Variants in PEX7 observed in about 807,000 individuals in gnomAD.
The protein encoded by PEX7 is peroxisomal biogenesis factor 7.
In PEX7, 34 loss-of-function variants were observed where a neutral mutation model predicts 47.5. That is an observed-to-expected ratio of 0.72 (90% CI 0.54 to 0.95). The LOEUF is 0.95. Ranked by LOEUF, PEX7 falls within the 40% of genes least tolerant of loss-of-function variation. The pLI, the probability that PEX7 is intolerant of heterozygous loss-of-function variation, is 0.00. For missense variants in PEX7, 394 were observed against 400.3 expected (o/e 0.98, Z 0.13); for synonymous variants, 141 against 148.8 (o/e 0.95, Z 0.38).
At chr6:136,909,030 A>G (rs909038525) in intron 9 of PEX7, among the ~76,000 whole-genome samples, 1 of 152,082 alleles carries the variant, frequency 6.6e-6, no homozygotes, top group Non-Finnish European at 1.5e-5. Context: ...CATTTTACAT[A>G]TTACGCTACA....
intron 1 of PEX7, chr6:136,823,173 A>T (rs1319325383): frequency 2.0e-6 from 2 of 985,214 alleles, no homozygotes; most frequent in Non-Finnish European, 2.4e-6. Context: ...TACGGGGAAG[A>T]CGGTCTGAGC....
chr6:136,873,113 A>G (rs572433664), intron 8 of PEX7, among the ~76,000 whole-genome samples: 1 of 152,282 alleles, frequency 6.6e-6, no homozygotes, highest in Admixed American at 6.5e-5. Context: ...GATTTTGTCT[A>G]GGCAAAACAT....
intron 5 of PEX7, among the ~76,000 whole-genome samples, chr6:136,848,515 A>G: frequency 6.6e-6 from 1 of 152,184 alleles, no homozygotes; most frequent in East Asian, 1.9e-4. Flanking sequence ...TTATTTTGAG[A>G]TACATCCCAT....
chr6:136,880,804 T>G (rs1038047863), intron 8 of PEX7, among the ~76,000 whole-genome samples: 3 of 152,236 alleles, frequency 2.0e-5, no homozygotes, highest in African/African-American at 7.2e-5. Context: ...ATTACAACAA[T>G]GCTTTGAGAT....
intron 3 of PEX7, among the ~76,000 whole-genome samples, chr6:136,837,267 C>T (rs774809343): frequency 1.3e-4 from 18 of 142,890 alleles, no homozygotes; most frequent in East Asian, 2.1e-4. Flanking sequence ...GAGGCTGAGG[C>T]GGGAGAATGG....
chr6:136,872,400 A>G, intron 8 of PEX7, 147 bp downstream of exon 8: 1 of 676,942 alleles, frequency 1.5e-6, no homozygotes. Context: ...GATTAATATT[A>G]TATTTTTCCT....
intron 5 of PEX7, among the ~76,000 whole-genome samples, chr6:136,846,642 CTT>C (rs1193533150): frequency 2.6e-5 from 4 of 152,140 alleles, no homozygotes; most frequent in Non-Finnish European, 5.9e-5. Context: ...TGGTTTCCAG[CTT>C]TGTCCATGTC....
At chr6:136,898,996 ATAAGT>A (rs949063866) in intron 9 of PEX7, among the ~76,000 whole-genome samples, 3 of 152,084 alleles carry the variant, frequency 2.0e-5, no homozygotes, top group Non-Finnish European at 4.4e-5. Context: ...GATAACTCTC[ATAAGT>A]TAAGCAAAAA....
intron 1 of PEX7, 87 bp from the exon 2 acceptor site, chr6:136,825,127 T>C (rs926245967): frequency 1.7e-5 from 18 of 1,060,356 alleles, no homozygotes; most frequent in Non-Finnish European, 2.5e-5. Context: ...GGTATTAAAA[T>C]CAGGTATCAA....
chr6:136,842,584 G>A (rs924593889), intron 3 of PEX7, among the ~76,000 whole-genome samples: 3 of 151,792 alleles, frequency 2.0e-5, no homozygotes, highest in Non-Finnish European at 3.0e-5. Context: ...CTGATGATGA[G>A]TATTTACTTA....
At chr6:136,828,198 T>A (rs1263334415) in intron 3 of PEX7, among the ~76,000 whole-genome samples, 1 of 152,182 alleles carries the variant, frequency 6.6e-6, no homozygotes, top group Non-Finnish European at 1.5e-5. Flanking sequence ...ATGGGGTTGA[T>A]GGCTACTTTA....
At chr6:136,903,240 A>G (rs1775783763) in intron 9 of PEX7, among the ~76,000 whole-genome samples, 1 of 151,846 alleles carries the variant, frequency 6.6e-6, no homozygotes. Flanking sequence ...CTCTTCCCAA[A>G]TCTGAACCCC....
At chr6:136,841,501 C>T (rs926799464) in intron 3 of PEX7, among the ~76,000 whole-genome samples, 10 of 152,188 alleles carry the variant, frequency 6.6e-5, no homozygotes, top group Non-Finnish European at 1.0e-4. Flanking sequence ...GCCCTCAGGG[C>T]CCTGCCTCAG....
intron 4 of PEX7, 33 bp from the exon 5 acceptor site, chr6:136,846,040 C>T: frequency 7.6e-7 from 1 of 1,311,314 alleles, no homozygotes; most frequent in Non-Finnish European, 1.1e-6. Context: ...TGAATTTATC[C>T]CTCAAGTAAT....
chr6:136,891,287 C>G lies in PEX7; in HGVS notation c.804-6855C>G, dbSNP rs545344800. On this transcript the variant is annotated intron_variant, in intron 8 of 9. Transcript: ENST00000318471. ...AAGTCTGCTTCTCTAAAATACTGAT[C>G]TGATTAGAGTTTTCGATGAAATATT... 3.3e-5 allele frequency among the ~76,000 whole-genome samples: 5 copies of G among 152,266 alleles called. No individual in the cohort carries two copies. The East Asian group carries it at 7.7e-4, about 23-fold the overall frequency.
chr6:136,875,933 G>T (rs1262051317), intron 8 of PEX7, among the ~76,000 whole-genome samples: 1 of 151,924 alleles, frequency 6.6e-6, no homozygotes, highest in Non-Finnish European at 1.5e-5. Flanking sequence ...GTTATGCCTT[G>T]TCTCATATCA....
At chr6:136,859,799 G>T (rs1415211753) in intron 5 of PEX7, among the ~76,000 whole-genome samples, 1 of 152,084 alleles carries the variant, frequency 6.6e-6, no homozygotes, top group Non-Finnish European at 1.5e-5. Context: ...AAGGTGAGCG[G>T]ATCACTTGAG....
At chr6:136,844,126 AGGCTGAGGCGGTAG>A (rs1774552834) in intron 3 of PEX7, among the ~76,000 whole-genome samples, 2 of 152,056 alleles carry the variant, frequency 1.3e-5, no homozygotes, top group African/African-American at 4.8e-5. Flanking sequence ...GCACTTTGGG[AGGCTGAGGCGGTAG>A]GACTGCTTGA....
At chr6:136,902,027 C>T (rs1244545346) in intron 9 of PEX7, among the ~76,000 whole-genome samples, 12 of 152,210 alleles carry the variant, frequency 7.9e-5, no homozygotes, top group African/African-American at 2.7e-4. Context: ...TCAGGTGATC[C>T]GCCCACCTCA....
Sources: allele counts gnomAD v4.1 joint callset (sites outside exome capture counted in the v4.1 genomes callset), GRCh38; gene constraint gnomAD v4.1.1; transcripts MANE v1.5; gene names NCBI Gene and HGNC (gene_info 2026-07-23, HGNC 2026-07-21).